Variants in EIF3M observed in about 807,000 individuals in gnomAD.
EIF3M encodes B5 receptor.
Under a neutral mutation model 49.7 loss-of-function variants are expected in EIF3M, and 25 were observed. That is an observed-to-expected ratio of 0.50 (90% CI 0.37 to 0.70). EIF3M has a LOEUF of 0.70. Among genes scored for constraint, EIF3M ranks in the 30% least tolerant of loss-of-function variants. The pLI, the probability that EIF3M is intolerant of heterozygous loss-of-function variation, is 0.00. For synonymous variants in EIF3M, 156 were observed against 149.8 expected (o/e 1.04, Z -0.30); for missense variants, 350 against 440.0 (o/e 0.80, Z 1.83).
At position 32,599,942 on chromosome 11, in the gene EIF3M, A is replaced by G. The variant is rs185100386; in HGVS notation, c.800-747A>G. Among the ~76,000 whole-genome samples the G allele has an allele frequency of 3.6e-3, 554 of 152,034 alleles. 3 individuals are homozygous for G. The highest frequency in any genetic ancestry group is 0.013 in the African/African-American group (528 of 41,548). ...CTTCTAGGCCTAACACATTGTTGTT[A>G]TTTGAATAATTACAACAGCATGTTT... On this transcript the variant is annotated intron_variant, in intron 8 of 10. Coordinates refer to ENST00000531120, the MANE Select transcript of EIF3M (RefSeq NM_006360.6).
chr11:32,599,464 G>A (rs1259934128), intron 8 of EIF3M, among the ~76,000 whole-genome samples: 1 of 151,830 alleles, frequency 6.6e-6, no homozygotes, highest in African/African-American at 2.4e-5. Context: ...ATGTTAATGG[G>A]CTTCCCTAAT....
intron 5 of EIF3M, among the ~76,000 whole-genome samples, chr11:32,590,458 G>A (rs977550564): frequency 1.3e-5 from 2 of 152,052 alleles, no homozygotes; most frequent in African/African-American, 2.4e-5. Flanking sequence ...CTCATATTTC[G>A]GTTAGTGCCT....
chr11:32,597,582 T>C (rs1170819869), intron 8 of EIF3M, among the ~76,000 whole-genome samples: 1 of 152,242 alleles, frequency 6.6e-6, no homozygotes, highest in Non-Finnish European at 1.5e-5. Context: ...ATCTTATTCA[T>C]CCTTATTGAG....
chr11:32,602,645 T>C lies in EIF3M; in HGVS notation c.*246T>C, dbSNP rs1855288308. 2 of 764,290 alleles carry C rather than the reference T, an allele frequency of 2.6e-6. No homozygotes were observed. Among genetic ancestry groups the C allele is most frequent in the Admixed American group, 3.2e-5 (1 of 31,260 alleles). The allele number at this position is 764,290 out of a possible 1,614,324, so 47.3% of individuals were successfully genotyped here. The stretch of plus-strand genomic sequence containing the variant: ...TGAGCACTTTAAAGAAAGGATAATA[T>C]ACAGAGAGAAGACAGAAGTAGAGTA... On this transcript the variant is annotated 3_prime_UTR_variant, in exon 11 of 11. Coordinates refer to ENST00000531120, the MANE Select transcript of EIF3M (RefSeq NM_006360.6).
chr11:32,584,065 G>A (rs892768818), intron 1 of EIF3M, 136 bp downstream of exon 1: 1 of 1,219,628 alleles, frequency 8.2e-7, no homozygotes, highest in South Asian at 1.4e-5. Context: ...GGGGAGGCCG[G>A]TGGCTGGGGC....
At chr11:32,583,957 C>G (rs1410203368) in intron 1 of EIF3M, 28 bp downstream of exon 1, 5 of 1,611,910 alleles carry the variant, frequency 3.1e-6, no homozygotes, top group Non-Finnish European at 4.2e-6. Flanking sequence ...GGTGCCGCCA[C>G]GGTGGGGTGG....
intron 1 of EIF3M, among the ~76,000 whole-genome samples, chr11:32,585,623 C>T (rs1854983631): frequency 6.6e-6 from 1 of 152,080 alleles, no homozygotes; most frequent in African/African-American, 2.4e-5. Context: ...CTGTTTCCTC[C>T]ATAGAGAAGC....
At chr11:32,601,476 T>C (rs182157829) in intron 9 of EIF3M, 110 of 250,606 alleles carry the variant, frequency 4.4e-4, no homozygotes, top group Non-Finnish European at 6.9e-4. Context: ...TATGAGATGG[T>C]AGGGGAAGAA....
chr11:32,602,945 C>T lies in EIF3M; in HGVS notation c.*546C>T, dbSNP rs772094086. 8 of 1,613,428 alleles carry T rather than the reference C, an allele frequency of 5.0e-6. No individual in the cohort carries two copies. Among genetic ancestry groups the T allele is most frequent in the South Asian group, 1.1e-5 (1 of 90,958 alleles). On this transcript the variant is annotated 3_prime_UTR_variant, in exon 11 of 11. Transcript: ENST00000531120. ...ATGAGGCTCTGCCAGTCATCATCAC[C>T]AGAAGTATTTTTAGTCGTCTTGATT...
At position 32,600,692 on chromosome 11, in the gene EIF3M, T is replaced by C. The variant is rs1423427345; in HGVS notation, c.803T>C (p.Leu268Pro). The change falls in exon 9 of 11, where the codon CTG becomes CCG. Residue 268 changes from leucine (L) to proline (P), a missense_variant. By Grantham distance (98) the Leu-to-Pro change is moderately conservative. Coordinates refer to ENST00000531120, the MANE Select transcript of EIF3M (RefSeq NM_006360.6). Reference protein sequence around the residue: ...NNKDFIDSLGLLHEQNMAKMR... With the variant: ...NNKDFIDSLGPLHEQNMAKMR... ...GCTTCACTATTCTGTTTTCTAGGCC[T>C]GTTACATGAACAGAATATGGCAAAA... 1.9e-6 allele frequency: 3 copies of C among 1,607,854 alleles called. No individual in the cohort carries two copies. Among genetic ancestry groups the C allele is most frequent in the Non-Finnish European group, 1.7e-6 (2 of 1,176,846 alleles).
chr11:32,592,342 T>C, intron 5 of EIF3M: 1 of 552,344 alleles, frequency 1.8e-6, no homozygotes, highest in South Asian at 1.4e-5. Context: ...AAATCCTCTC[T>C]TTTTTCCACT....
At position 32,588,188 on chromosome 11, in the gene EIF3M, A is replaced by G. The variant is rs536220764; in HGVS notation, c.176-406A>G. Among the ~76,000 whole-genome samples, 14 of 152,266 alleles carry G rather than the reference A, an allele frequency of 9.2e-5. No homozygotes were observed. The East Asian group carries it at 2.7e-3, about 29-fold the overall frequency. The stretch of plus-strand genomic sequence containing the variant: ...GGTGGATCACATGGTCAAGAGTTCA[A>G]GACCAGCCTGGCCAATATGGTGAAA... On this transcript the variant is annotated intron_variant, in intron 2 of 10. Transcript: ENST00000531120.
At chr11:32,594,177 G>T (rs551263735) in intron 6 of EIF3M, 14 of 329,694 alleles carry the variant, frequency 4.2e-5, no homozygotes, top group African/African-American at 2.6e-4. Flanking sequence ...GGCGGGGGGG[G>T]TATTGCTGGT....
At position 32,588,718 on chromosome 11, in the gene EIF3M, T is replaced by TTACAA; in HGVS notation, c.300_301insTACAA (p.Leu101TyrfsTer3). 2 of 1,614,236 alleles carry TTACAA rather than the reference T, an allele frequency of 1.2e-6. No individual in the cohort carries two copies. The highest frequency in any genetic ancestry group is 1.7e-6 in the Non-Finnish European group (2 of 1,180,042). On this transcript the variant is annotated frameshift_variant, in exon 3 of 11. Transcript: ENST00000531120. LOFTEE classifies it high-confidence loss of function. ...AATTTCGCGAAGGTGAACGCCCGTC[T>TTACAA]CTGAGACTGCAGTTGTAAGTTAAGA... is the stretch of plus-strand genomic sequence containing the variant.
Position 32,605,113 on chromosome 11 carries a change from A to G in EIF3M, c.*2714A>G, listed in dbSNP as rs1184083512. The G allele has an allele frequency of 6.6e-6, 1 of 150,660 alleles. No individual in the cohort carries two copies. Among genetic ancestry groups the G allele is most frequent in the Non-Finnish European group, 1.5e-5 (1 of 68,000 alleles). 9.3% of individuals were successfully genotyped at this position (150,660 alleles called of 1,614,324 possible). A position where few individuals can be genotyped will look rare whatever the true frequency, so the allele number is the denominator to read the frequency against. On this transcript the variant is annotated 3_prime_UTR_variant, in exon 11 of 11. Transcript: ENST00000531120. Reference sequence around the variant, plus strand: ...ATGATCCACCTGCCTCGGCCTCCCAAAGTGTTGGGATTACAGGCATGAGCC... The same window carrying G: ...ATGATCCACCTGCCTCGGCCTCCCAGAGTGTTGGGATTACAGGCATGAGCC...
intron 2 of EIF3M, among the ~76,000 whole-genome samples, chr11:32,588,035 T>A (rs1018427898): frequency 1.3e-5 from 2 of 152,184 alleles, no homozygotes; most frequent in Admixed American, 1.3e-4. Flanking sequence ...TGATTGAATA[T>A]CATGACAGTG....
At chr11:32,586,967 CT>C (rs772614565) in intron 1 of EIF3M, 44 bp from the exon 2 acceptor site, 2 of 1,501,226 alleles carry the variant, frequency 1.3e-6, no homozygotes, top group Non-Finnish European at 1.8e-6. Context: ...TGAGATTGTG[CT>C]TTGTCATTCG....
At chr11:32,597,339 C>A (rs577207416) in intron 8 of EIF3M, among the ~76,000 whole-genome samples, 1 of 140,682 alleles carries the variant, frequency 7.1e-6, no homozygotes, top group South Asian at 2.2e-4. Context: ...TAGTTTTTTC[C>A]CCCCTACTAT....
intron 1 of EIF3M, 110 bp downstream of exon 1, chr11:32,584,039 T>A (rs1337105398): frequency 2.1e-6 from 3 of 1,415,250 alleles, no homozygotes; most frequent in African/African-American, 1.4e-5. Context: ...CCCGCAGCTG[T>A]TCTACACGCG....
Sources: gnomAD v4.1 joint callset for allele counts (sites outside exome capture counted in the v4.1 genomes callset) on GRCh38, gnomAD v4.1.1 for gene constraint, MANE v1.5 for transcripts, NCBI Gene and HGNC (gene_info 2026-07-23, HGNC 2026-07-21) for gene names.